SVOP: variants seen among roughly 807,000 people sequenced by gnomAD.
The protein encoded by SVOP is SV2 related protein.
In SVOP, 17 loss-of-function variants were observed where a neutral mutation model predicts 69.1. The ratio of observed to expected loss-of-function variants is 0.25; its 90% CI spans 0.17 to 0.37. The LOEUF (loss-of-function observed/expected upper bound fraction) is 0.37. Ranked by LOEUF, SVOP falls within the 10% of genes least tolerant of loss-of-function variation. The pLI, the probability that SVOP is intolerant of heterozygous loss-of-function variation, is 1.00. For synonymous variants in SVOP, 238 were observed against 238.6 expected (o/e 1.00, Z 0.02); for missense variants, 435 against 597.5 (o/e 0.73, Z 2.84).
At chr12:108,975,120 T>C (rs972012526) in intron 4 of SVOP, among the ~76,000 whole-genome samples, 3 of 152,238 alleles carry the variant, frequency 2.0e-5, no homozygotes, top group African/African-American at 4.8e-5. Flanking sequence ...GTTGCCTTTG[T>C]TATGTGCTAA....
intron 1 of SVOP, among the ~76,000 whole-genome samples, chr12:109,012,213 G>A (rs1342773320): frequency 6.6e-6 from 1 of 152,030 alleles, no homozygotes; most frequent in Non-Finnish European, 1.5e-5. Context: ...AGCCTGAGAG[G>A]TGGAGGTTGC....
rs549671875 is a variant in SVOP, at chr12:108,968,201, CT to C, written c.453+4203del. Among the ~76,000 whole-genome samples, 247 of 152,324 alleles carry C rather than the reference CT, an allele frequency of 1.6e-3. 2 individuals are homozygous for C. Among genetic ancestry groups the C allele is most frequent in the African/African-American group, 5.7e-3 (239 of 41,576 alleles). On this transcript the variant is annotated intron_variant, in intron 5 of 15. Transcript: ENST00000610966. The stretch of plus-strand genomic sequence containing the variant: ...GTTCTCATCCACCACAGCTCAGTCA[CT>C]CAAGAAGTATTTATTGAGTGTGCAC...
chr12:108,937,306 G>A lies in SVOP; in HGVS notation c.929C>T (p.Thr310Ile), dbSNP rs1265339372. Reference sequence around the variant, plus strand: ...CAAAGTTGTCCATCTAAAATGGGGTGTGAAAAGGTCCCTCATTTTGCCTCG... The same window carrying A: ...CAAAGTTGTCCATCTAAAATGGGGTATGAAAAGGTCCCTCATTTTGCCTCG... ...EDRGKMRDLF[T>I]PHFRWTTLLL... Residue 310 changes from threonine (T) to isoleucine (I), a missense_variant, in exon 10 of 16, where the codon ACA (threonine) becomes ATA (isoleucine). By Grantham distance (89) the Thr-to-Ile change is moderately conservative. Coordinates refer to ENST00000610966, the MANE Select transcript of SVOP (RefSeq NM_018711.5). 6.2e-7 allele frequency: 1 copy of A among 1,613,978 alleles called. No individual in the cohort carries two copies. Among genetic ancestry groups the A allele is most frequent in the South Asian group, 1.1e-5 (1 of 91,086 alleles).
At chr12:108,960,454 A>C (rs1438829811) in intron 6 of SVOP, among the ~76,000 whole-genome samples, 2 of 152,164 alleles carry the variant, frequency 1.3e-5, no homozygotes, top group Non-Finnish European at 2.9e-5. Context: ...TGTGGTTAGC[A>C]TCATACTCTG....
At position 108,979,204 on chromosome 12, in the gene SVOP, A is replaced by G. The variant is rs546371802; in HGVS notation, c.197-541T>C. On this transcript the variant is annotated intron_variant, in intron 2 of 15. Transcript: ENST00000610966. ...ATTAACTTTCTTCCTTTTACAATGT[A>G]TTACTTCCATGGCCAGAAAAAAAAG... 1.1e-4 allele frequency among the ~76,000 whole-genome samples: 15 copies of G among 135,638 alleles called. No individual in the cohort carries two copies. The South Asian group carries it at 4.0e-3, about 36-fold the overall frequency. The allele number at this position is 135,638 out of a possible 152,430, so 89.0% of individuals were successfully genotyped here. A position where few individuals can be genotyped will look rare whatever the true frequency, so the allele number is the denominator to read the frequency against.
At chr12:108,949,781 C>T (rs1352660271) in intron 6 of SVOP, among the ~76,000 whole-genome samples, 2 of 151,970 alleles carry the variant, frequency 1.3e-5, no homozygotes, top group South Asian at 4.1e-4. Flanking sequence ...CCACGCATGC[C>T]AGTCCACCTT....
At chr12:109,012,198 G>A (rs781602388) in intron 1 of SVOP, among the ~76,000 whole-genome samples, 15 of 151,914 alleles carry the variant, frequency 9.9e-5, no homozygotes, top group African/African-American at 3.4e-4. Context: ...CAGGAGAATC[G>A]CTTGAGCCTG....
At chr12:108,914,903 CAG>C in intron 15 of SVOP, among the ~76,000 whole-genome samples, 1 of 151,558 alleles carries the variant, frequency 6.6e-6, no homozygotes, top group Admixed American at 6.6e-5. Flanking sequence ...TGGCCAGGCA[CAG>C]TGGCTCATGC....
At chr12:108,981,446 C>T (rs1010097431) in intron 2 of SVOP, among the ~76,000 whole-genome samples, 50,138 of 151,972 alleles carry the variant, frequency 0.33, 8,773 homozygotes, top group African/African-American at 0.44. Context: ...GAATCTGAGG[C>T]TTTTCAGGAA....
At chr12:108,927,964 G>A (rs1477723357) in intron 11 of SVOP, among the ~76,000 whole-genome samples, 2 of 150,082 alleles carry the variant, frequency 1.3e-5, no homozygotes, top group African/African-American at 2.5e-5. Flanking sequence ...GGAAAGCAGT[G>A]GTGCTATATT....
At chr12:109,008,457 T>C (rs1211390900) in intron 1 of SVOP, among the ~76,000 whole-genome samples, 1 of 152,202 alleles carries the variant, frequency 6.6e-6, no homozygotes, top group Non-Finnish European at 1.5e-5. Flanking sequence ...CTATAATTAA[T>C]GGAAATTTTA....
At chr12:108,916,195 C>A (rs7975694) in intron 14 of SVOP, among the ~76,000 whole-genome samples, 53,899 of 152,152 alleles carry the variant, frequency 0.35, 10,202 homozygotes, top group South Asian at 0.58. Context: ...TCTTCTCATG[C>A]GTTCACCTTG....
chr12:108,913,020 A>G (rs2039694247), intron 15 of SVOP, among the ~76,000 whole-genome samples: 1 of 152,038 alleles, frequency 6.6e-6, no homozygotes, highest in Non-Finnish European at 1.5e-5. Flanking sequence ...TGAGTCAAAT[A>G]AATCTCTTCT....
intron 6 of SVOP, among the ~76,000 whole-genome samples, chr12:108,949,963 C>G (rs551065740): frequency 6.6e-6 from 1 of 152,200 alleles, no homozygotes; most frequent in African/African-American, 2.4e-5. Flanking sequence ...GGACCTGCGG[C>G]TGAGTCTCCC....
chr12:108,935,077 C>T (rs932214846), intron 10 of SVOP, among the ~76,000 whole-genome samples: 2 of 152,202 alleles, frequency 1.3e-5, no homozygotes, highest in South Asian at 2.1e-4. Context: ...AGAGACACAA[C>T]ACCTCCAAGG....
chr12:108,933,953 C>A (rs1039462287), intron 11 of SVOP, among the ~76,000 whole-genome samples: 1 of 152,146 alleles, frequency 6.6e-6, no homozygotes, highest in African/African-American at 2.4e-5. Flanking sequence ...TTTAATGTGC[C>A]TTGGTTTATG....
chr12:108,912,542 T>C lies in SVOP; in HGVS notation c.1640A>G (p.Gln547Arg), dbSNP rs369468970. Residue 547 changes from glutamine to arginine, a missense_variant, in exon 16 of 16, where the codon CAG (glutamine) becomes CGG (arginine). Physicochemically the swap from Gln to Arg is conservative, Grantham distance 43 (BLOSUM62 1). Transcript: ENST00000610966. ...AGVTRSNSGSQE is the reference protein window; with the variant it reads ...AGVTRSNSGSRE ...TCAGTCCCCCATCGGTCACTATTCC[T>C]GAGAGCCAGAGTTCGACCTGGTAAC... is the stretch of plus-strand genomic sequence containing the variant. 4.3e-6 allele frequency: 7 copies of C among 1,613,702 alleles called. No homozygotes were observed. Among genetic ancestry groups the C allele is most frequent in the Non-Finnish European group, 5.9e-6 (7 of 1,179,738 alleles).
intron 6 of SVOP, among the ~76,000 whole-genome samples, chr12:108,950,910 A>G (rs1047673362): frequency 3.3e-5 from 5 of 152,224 alleles, no homozygotes; most frequent in Admixed American, 6.5e-5. Flanking sequence ...AAGTATGGCA[A>G]TTATTATAAT....
At chr12:108,974,211 C>T (rs1248461523) in intron 4 of SVOP, among the ~76,000 whole-genome samples, 3 of 152,156 alleles carry the variant, frequency 2.0e-5, no homozygotes, top group African/African-American at 7.2e-5. Context: ...GTGCTGAACC[C>T]TGTCTCACTT....
Sources: gnomAD v4.1 joint callset for allele counts (sites outside exome capture counted in the v4.1 genomes callset) on GRCh38, gnomAD v4.1.1 for gene constraint, MANE v1.5 for transcripts, NCBI Gene and HGNC (gene_info 2026-07-23, HGNC 2026-07-21) for gene names.